Variants in DEUP1 observed in about 807,000 individuals in gnomAD.
The protein encoded by DEUP1 is coiled-coil domain containing 67.
DEUP1 carries 82 observed loss-of-function variants against 87.4 expected under a neutral mutation model. The ratio of observed to expected loss-of-function variants is 0.94; its 90% CI spans 0.78 to 1.13. DEUP1 has a LOEUF of 1.13. Ranked by LOEUF, DEUP1 falls within the 50% of genes most tolerant of loss-of-function variation. The probability of loss-of-function intolerance (pLI) is 0.00; values close to 1 mark genes in which losing one functional copy is unlikely to be tolerated. For synonymous variants in DEUP1, 214 were observed against 222.7 expected, an observed-to-expected ratio of 0.96 and a Z score of 0.35; for missense variants, 663 against 681.5, an observed-to-expected ratio of 0.97 and a Z score of 0.30.
At position 93,389,281 on chromosome 11, in the gene DEUP1, C is replaced by A. The variant is rs3020055; in HGVS notation, c.1041+156C>A. 0.46 allele frequency among the ~76,000 whole-genome samples: 69,619 copies of A among 151,672 alleles called. 16,676 individuals carry two copies. The highest frequency in any genetic ancestry group is 0.61 in the Admixed American group (9,286 of 15,210). On this transcript the variant is annotated intron_variant, in intron 9 of 13. Transcript: ENST00000298050. ...CCAAGCTGCTAATTCCGACATTTTT[C>A]TGTGTGAGACTACAAAAAACACAAA...
chr11:93,404,037 G>A (rs1272943905), intron 11 of DEUP1, among the ~76,000 whole-genome samples: 4 of 151,914 alleles, frequency 2.6e-5, no homozygotes, highest in African/African-American at 4.8e-5. Context: ...ATAGCTTTGA[G>A]AATCTTTCTG....
In DEUP1 at chr11:93,357,022, A is replaced by G; in HGVS notation, c.276A>G (p.Gln92=). ...CAATGACTCAGAATTATGAAGGACA[A>G]CTACAAAGCCTAAAGGCTCAAGTAA... ...NLAMTQNYEG[Q]LQSLKAQFSK... The change falls in exon 4 of 14, where the codon CAA becomes CAG. Residue 92 remains glutamine (Q), a synonymous_variant. Coordinates refer to ENST00000298050, the MANE Select transcript of DEUP1 (RefSeq NM_181645.4). The G allele has an allele frequency of 6.3e-7, 1 of 1,590,532 alleles. No individual in the cohort carries two copies. Among genetic ancestry groups the G allele is most frequent in the East Asian group, 2.3e-5 (1 of 44,228 alleles).
intron 9 of DEUP1, among the ~76,000 whole-genome samples, chr11:93,393,869 A>G (rs564691148): frequency 6.2e-4 from 94 of 152,304 alleles, no homozygotes; most frequent in African/African-American, 2.1e-3. Flanking sequence ...GGAGTCAGAG[A>G]CAATCCAGAG....
chr11:93,343,108 G>C (rs904581077), intron 2 of DEUP1, among the ~76,000 whole-genome samples: 1 of 152,202 alleles, frequency 6.6e-6, no homozygotes, highest in Non-Finnish European at 1.5e-5. Flanking sequence ...TACACAATTA[G>C]AAGTTATCAG....
intron 4 of DEUP1, among the ~76,000 whole-genome samples, chr11:93,363,059 T>C (rs1945249668): frequency 6.6e-6 from 1 of 151,940 alleles, no homozygotes; most frequent in East Asian, 1.9e-4. Flanking sequence ...CATGGAATAC[T>C]ATTCAGCACT....
At chr11:93,407,913 C>T (rs185952606) in intron 11 of DEUP1, among the ~76,000 whole-genome samples, 1 of 150,626 alleles carries the variant, frequency 6.6e-6, no homozygotes, top group Non-Finnish European at 1.5e-5. Context: ...TAAATAGATA[C>T]AGAGAGCAAC....
intron 13 of DEUP1, among the ~76,000 whole-genome samples, chr11:93,415,373 T>C (rs181034403): frequency 6.6e-6 from 1 of 151,942 alleles, no homozygotes; most frequent in East Asian, 1.9e-4. Context: ...TGGTGTTTTT[T>C]AAAAAAAATG....
rs1005483029 is a variant in DEUP1, at chr11:93,364,236, T to G, written c.374T>G (p.Leu125Ter). The G allele has an allele frequency of 6.2e-7, 1 of 1,609,504 alleles. No individual in the cohort carries two copies. Among genetic ancestry groups the G allele is most frequent in the African/African-American group, 1.3e-5 (1 of 74,816 alleles). ...CAAAACAAAGTTCCACGAAAAGAAT[T>G]ACCACACCTTAAAGAAGAAATACCC... ...MKQNKVPRKELPHLKEEIPFE... is the reference protein window; with the variant it reads ...MKQNKVPRKE Residue 125 changes from leucine to a stop codon, truncating the protein, a stop_gained, in exon 5 of 14, where the codon TTA becomes TGA. Coordinates refer to ENST00000298050, the MANE Select transcript of DEUP1 (RefSeq NM_181645.4). LOFTEE classifies it high-confidence loss of function.
chr11:93,371,079 A>C lies in DEUP1; in HGVS notation c.588A>C (p.Lys196Asn). 1.2e-6 allele frequency: 2 copies of C among 1,612,318 alleles called. No individual in the cohort carries two copies. The highest frequency in any genetic ancestry group is 2.2e-5 in the South Asian group (2 of 90,790). ...ACCAAACTCAACTAAATGGTAAAAAACAGTGCTTAGAAGACAGCAGCTCTG... is the reference window on the plus strand; with the variant it reads ...ACCAAACTCAACTAAATGGTAAAAACCAGTGCTTAGAAGACAGCAGCTCTG... ...QSYQTQLNGK[K>N]QCLEDSSSEI... Residue 196 changes from lysine (K) to asparagine (N), a missense_variant, in exon 7 of 14, where the codon AAA becomes AAC. Transcript: ENST00000298050.
In DEUP1 at chr11:93,352,278, A is replaced by T. The variant is rs1031979596; in HGVS notation, c.30-3093A>T. 13 of 685,042 alleles carry T rather than the reference A, an allele frequency of 1.9e-5. No homozygotes were observed. In the African/African-American group the frequency reaches 2.1e-4, roughly 11 times the overall value. The allele number at this position is 685,042 out of a possible 1,614,324, so 42.4% of individuals were successfully genotyped here. ...GATGCTGAAATAACTTGCTTTTCTA[A>T]TCTGGACGTTTGTATGTTCCTTAGG... On this transcript the variant is annotated intron_variant, in intron 2 of 13. Transcript: ENST00000298050.
At chr11:93,347,942 A>T (rs1194250426) in intron 2 of DEUP1, among the ~76,000 whole-genome samples, 1 of 151,984 alleles carries the variant, frequency 6.6e-6, no homozygotes, top group African/African-American at 2.4e-5. Context: ...GGGTTTCACC[A>T]TGTTAGCCAG....
intron 8 of DEUP1, among the ~76,000 whole-genome samples, chr11:93,387,495 A>G (rs1197942880): frequency 1.3e-5 from 2 of 152,080 alleles, no homozygotes; most frequent in Non-Finnish European, 2.9e-5. Flanking sequence ...TCTGAGAGTT[A>G]TTAAACTAAT....
At chr11:93,416,669 A>T (rs1201663368) in intron 13 of DEUP1, among the ~76,000 whole-genome samples, 2 of 151,798 alleles carry the variant, frequency 1.3e-5, no homozygotes, top group East Asian at 1.9e-4. Flanking sequence ...ATCCTCCCTA[A>T]CTCATTTTAT....
chr11:93,395,388 C>A (rs1946910016), intron 10 of DEUP1, among the ~76,000 whole-genome samples: 1 of 152,134 alleles, frequency 6.6e-6, no homozygotes, highest in Admixed American at 6.6e-5. Flanking sequence ...TCACAAATAA[C>A]ATGACTAAAA....
At chr11:93,366,816 G>A (rs1945439943) in intron 5 of DEUP1, among the ~76,000 whole-genome samples, 1 of 152,138 alleles carries the variant, frequency 6.6e-6, no homozygotes, top group African/African-American at 2.4e-5. Context: ...AGTAAGAAAT[G>A]CTAAATATTT....
chr11:93,413,935 T>A (rs991643982), intron 12 of DEUP1, among the ~76,000 whole-genome samples: 1 of 152,220 alleles, frequency 6.6e-6, no homozygotes, highest in African/African-American at 2.4e-5. Flanking sequence ...GTGGATAGTA[T>A]CCAGCGTATT....
intron 7 of DEUP1, among the ~76,000 whole-genome samples, chr11:93,384,972 C>A (rs192307055): frequency 1.3e-5 from 2 of 152,230 alleles, no homozygotes; most frequent in East Asian, 3.9e-4. Context: ...GCCTGTAATC[C>A]CAGCACTTTG....
intron 13 of DEUP1, among the ~76,000 whole-genome samples, chr11:93,432,147 A>G (rs1044948778): frequency 1.3e-5 from 2 of 152,244 alleles, no homozygotes; most frequent in African/African-American, 4.8e-5. Flanking sequence ...GGGTCATAAT[A>G]TTGAGTGACC....
chr11:93,434,396 A>T (rs370601310), intron 13 of DEUP1, among the ~76,000 whole-genome samples: 2 of 152,176 alleles, frequency 1.3e-5, no homozygotes, highest in East Asian at 3.9e-4. Flanking sequence ...TGGTTTCTGT[A>T]TTTGCCAATT....
Sources: gnomAD v4.1 joint callset for allele counts (sites outside exome capture counted in the v4.1 genomes callset) on GRCh38, gnomAD v4.1.1 for gene constraint, MANE v1.5 for transcripts, NCBI Gene and HGNC (gene_info 2026-07-23, HGNC 2026-07-21) for gene names.